The following ENOX2 variants were observed in gnomAD, a reference collection of about 807,000 sequenced individuals.
ENOX2 encodes the protein APK1 antigen.
Under a neutral mutation model 45.0 loss-of-function variants are expected in ENOX2, and 36 were observed. That is an observed-to-expected ratio of 0.80 (90% CI 0.61 to 1.06). ENOX2 has a LOEUF of 1.06. ENOX2 is among the 50% of genes least tolerant of loss of function. ENOX2 has a pLI of 0.00. For synonymous variants in ENOX2, 174 were observed against 152.3 expected (o/e 1.14, Z -1.05); for missense variants, 423 against 462.5 (o/e 0.91, Z 0.78).
At chrX:130,850,966 G>T (rs189520965) in intron 2 of ENOX2, among the ~76,000 whole-genome samples, 1 of 112,436 alleles carries the variant, frequency 8.9e-6, no homozygotes, top group Admixed American at 9.4e-5. Context: ...AAGAACAACT[G>T]CACCAATGGC....
intron 2 of ENOX2, among the ~76,000 whole-genome samples, chrX:130,897,008 ATTCAACCAAGGTC>A (rs2148597821): frequency 8.9e-6 from 1 of 112,574 alleles, no homozygotes; most frequent in South Asian, 3.7e-4. Context: ...TAACTATTGA[ATTCAACCAAGGTC>A]TTCCCTGGGG....
At position 130,670,121 on chromosome X, in the gene ENOX2, C is replaced by T. The variant is rs945965003; in HGVS notation, c.538G>A (p.Asp180Asn). Residue 180 changes from aspartate to asparagine, a missense_variant, in exon 7 of 15, where the codon GAT (aspartate) becomes AAT (asparagine). Transcript: ENST00000394363. The stretch of plus-strand genomic sequence containing the variant: ...TTACACTCCCACTCATACAGGTCAT[C>T]TCGAGCCTGTGCGAAATCAACGTGG... ...RLHVDFAQAR[D>N]DLYEWECKQR... is the part of the protein sequence containing the mutation. The T allele has an allele frequency of 1.7e-6, 2 of 1,210,953 alleles. No individual in the cohort carries two copies. Among genetic ancestry groups the T allele is most frequent in the Non-Finnish European group, 2.2e-6 (2 of 895,008 alleles).
chrX:130,718,782 C>T (rs912516573), intron 3 of ENOX2, among the ~76,000 whole-genome samples: 1 of 111,639 alleles, frequency 9.0e-6, no homozygotes, highest in Non-Finnish European at 1.9e-5. Context: ...CTTCCCCCCG[C>T]ATCCCCCGAC....
At chrX:130,634,471 C>A (rs1467540509) in intron 12 of ENOX2, among the ~76,000 whole-genome samples, 1 of 111,867 alleles carries the variant, frequency 8.9e-6, no homozygotes, top group Non-Finnish European at 1.9e-5. Flanking sequence ...CTTTAGAATA[C>A]TGTGTCTCAT....
intron 2 of ENOX2, among the ~76,000 whole-genome samples, chrX:130,808,988 T>C (rs1162716192): frequency 1.8e-5 from 2 of 112,302 alleles, no homozygotes; most frequent in Non-Finnish European, 3.8e-5. Context: ...AATACATTTT[T>C]AGTTATTTTT....
chrX:130,896,003 T>C (rs2079055131), intron 2 of ENOX2, among the ~76,000 whole-genome samples: 1 of 112,604 alleles, frequency 8.9e-6, no homozygotes, highest in Non-Finnish European at 1.9e-5. Flanking sequence ...CTGACTAAAC[T>C]GAGGTGTATG....
chrX:130,644,832 T>A (rs1025255308), intron 10 of ENOX2, among the ~76,000 whole-genome samples: 1 of 111,701 alleles, frequency 9.0e-6, no homozygotes, highest in Non-Finnish European at 1.9e-5. Context: ...CATACCATTT[T>A]AAATTTTTCA....
At chrX:130,895,805 T>C (rs745761705) in intron 2 of ENOX2, among the ~76,000 whole-genome samples, 4 of 112,206 alleles carry the variant, frequency 3.6e-5, no homozygotes, top group African/African-American at 1.3e-4. Context: ...TGTTTTATAC[T>C]ATGTATCAGT....
chrX:130,738,951 T>C (rs2038919830), intron 3 of ENOX2, among the ~76,000 whole-genome samples: 1 of 112,060 alleles, frequency 8.9e-6, no homozygotes, highest in African/African-American at 3.2e-5. Flanking sequence ...ATCAGGAACA[T>C]ATGCTTCTAT....
intron 2 of ENOX2, among the ~76,000 whole-genome samples, chrX:130,840,090 A>G (rs964378346): frequency 1.8e-5 from 2 of 111,395 alleles, no homozygotes; most frequent in Admixed American, 9.6e-5. Context: ...AAATCACAGT[A>G]AGCATTAAAT....
At chrX:130,850,280 A>G (rs774089114) in intron 2 of ENOX2, among the ~76,000 whole-genome samples, 29 of 111,534 alleles carry the variant, frequency 2.6e-4, no homozygotes, top group Middle Eastern at 4.6e-3. Context: ...ATTGGAATAG[A>G]AAGTCCACTT....
chrX:130,699,905 G>A (rs909235798), intron 4 of ENOX2, among the ~76,000 whole-genome samples: 3 of 112,223 alleles, frequency 2.7e-5, no homozygotes, highest in Admixed American at 9.5e-5. Context: ...GAGCCACATC[G>A]CACATGTGAA....
rs183479469 is a variant in ENOX2 at position 130,780,816 on chromosome X, C to T, written c.-39+2731G>A. Among the ~76,000 whole-genome samples, 81 of 111,333 alleles carry T rather than the reference C, an allele frequency of 7.3e-4. 1 individual carries two copies. The East Asian group carries it at 0.02, about 28-fold the overall frequency. The stretch of plus-strand genomic sequence containing the variant: ...TGGAACTGGATCTGCAAGCAAATAT[C>T]CCTCCCTCGTTTGCAGGGAAGGAGA... On this transcript the variant is annotated intron_variant, in intron 3 of 14. Transcript: ENST00000394363.
chrX:130,652,622 A>G (rs969828908), intron 10 of ENOX2, among the ~76,000 whole-genome samples: 2 of 112,214 alleles, frequency 1.8e-5, no homozygotes, highest in African/African-American at 6.5e-5. Context: ...CTCAAAAAAG[A>G]TATGTTGAAG....
At chrX:130,787,115 A>G (rs911823417) in intron 2 of ENOX2, among the ~76,000 whole-genome samples, 2 of 107,052 alleles carry the variant, frequency 1.9e-5, no homozygotes, top group African/African-American at 6.8e-5. Flanking sequence ...GTGAGATGAT[A>G]TCTCATAGTG....
intron 5 of ENOX2, among the ~76,000 whole-genome samples, chrX:130,685,602 T>C (rs2037427911): frequency 1.8e-5 from 2 of 112,398 alleles, no homozygotes; most frequent in African/African-American, 6.5e-5. Flanking sequence ...TCTCACAGAT[T>C]AAACGCACTG....
chrX:130,681,378 C>T (rs1196479483), intron 5 of ENOX2, among the ~76,000 whole-genome samples: 1 of 111,857 alleles, frequency 8.9e-6, no homozygotes, highest in Non-Finnish European at 1.9e-5. Flanking sequence ...GTCTGGGGTG[C>T]AGCCTGTGCA....
chrX:130,746,616 A>C (rs963984646), intron 3 of ENOX2, among the ~76,000 whole-genome samples: 5 of 111,817 alleles, frequency 4.5e-5, no homozygotes, highest in East Asian at 2.8e-4. Flanking sequence ...TTCCTCCAAC[A>C]AGAATTTCCC....
At chrX:130,863,611 T>C (rs1490651364) in intron 2 of ENOX2, among the ~76,000 whole-genome samples, 2 of 112,292 alleles carry the variant, frequency 1.8e-5, no homozygotes, top group Non-Finnish European at 3.8e-5. Flanking sequence ...CTCATGAAAT[T>C]AATTTAGTTA....
Sources: gnomAD v4.1 joint callset for allele counts (sites outside exome capture counted in the v4.1 genomes callset) on GRCh38, gnomAD v4.1.1 for gene constraint, MANE v1.5 for transcripts, NCBI Gene and HGNC (gene_info 2026-07-23, HGNC 2026-07-21) for gene names.